The following ZNF423 variants were observed in gnomAD, a reference collection of about 807,000 sequenced individuals.
ZNF423 encodes the protein zinc finger protein 423.
Under a neutral mutation model 95.8 loss-of-function variants are expected in ZNF423, and 12 were observed. That is an observed-to-expected ratio of 0.13 (90% CI 0.08 to 0.20). ZNF423 has a LOEUF of 0.20. Among genes scored for constraint, ZNF423 ranks in the 10% least tolerant of loss-of-function variants. ZNF423 has a pLI of 1.00. For missense variants in ZNF423, 1,316 were observed against 1,737.1 expected (o/e 0.76, Z 4.31); for synonymous variants, 749 against 711.9 (o/e 1.05, Z -0.83).
chr16:49,707,180 G>A (rs911799362), intron 3 of ZNF423, among the ~76,000 whole-genome samples: 4 of 152,148 alleles, frequency 2.6e-5, no homozygotes, highest in Admixed American at 6.5e-5. Flanking sequence ...GTACCCCGAC[G>A]CCCTGTGTCA....
At chr16:49,588,199 A>G (rs2151812483) in intron 5 of ZNF423, among the ~76,000 whole-genome samples, 1 of 152,338 alleles carries the variant, frequency 6.6e-6, no homozygotes, top group South Asian at 2.1e-4. Flanking sequence ...CTGCTGCAGT[A>G]GGCTGCCTCA....
chr16:49,495,767 C>T (rs919752487), intron 7 of ZNF423, among the ~76,000 whole-genome samples: 16 of 152,172 alleles, frequency 1.1e-4, no homozygotes, highest in African/African-American at 3.9e-4. Flanking sequence ...CAGGAGGGGG[C>T]CCTGGCTCAG....
At position 49,522,546 on chromosome 16, in the gene ZNF423, A is replaced by G. The variant is rs554146944; in HGVS notation, c.3849+1078T>C. The stretch of plus-strand genomic sequence containing the variant: ...CACAGAGACCGAGAGGAGGTTTGTT[A>G]TTGCAGCCTAACCTACCCATATCCT... On this transcript the variant is annotated intron_variant, in intron 7 of 7. Transcript: ENST00000563137. Among the ~76,000 whole-genome samples the G allele has an allele frequency of 3.3e-5, 5 of 152,174 alleles. No individual in the cohort carries two copies. The South Asian group carries it at 1.0e-3, about 32-fold the overall frequency.
rs937919508 is a variant in ZNF423, at chr16:49,542,956, G to T, written c.3602-17462C>A. Among the ~76,000 whole-genome samples the T allele has an allele frequency of 3.9e-5, 6 of 152,252 alleles. No individual in the cohort carries two copies. In the South Asian group the frequency reaches 1.2e-3, roughly 32 times the overall value. ...AACCCCTCAAGTCCCCTAGTGGAGT[G>T]GAAATGTTCTTCATCTGAGGCTGGG... On this transcript the variant is annotated intron_variant, in intron 5 of 7. Coordinates refer to ENST00000563137, the MANE Select transcript of ZNF423 (RefSeq NM_001379286.1).
intron 3 of ZNF423, among the ~76,000 whole-genome samples, chr16:49,701,181 G>A: frequency 6.6e-6 from 1 of 152,228 alleles, no homozygotes; most frequent in East Asian, 1.9e-4. Context: ...CAGAACCAAA[G>A]GTGAGTGTGC....
At chr16:49,810,019 C>T (rs938183153) in intron 1 of ZNF423, among the ~76,000 whole-genome samples, 2 of 152,076 alleles carry the variant, frequency 1.3e-5, no homozygotes, top group Non-Finnish European at 2.9e-5. Flanking sequence ...GGCCCCATTT[C>T]CTGCTGACAG....
chr16:49,680,589 A>C (rs563066297), intron 3 of ZNF423, among the ~76,000 whole-genome samples: 15 of 152,252 alleles, frequency 9.9e-5, no homozygotes, highest in Admixed American at 2.6e-4. Context: ...AAGCTTCCGG[A>C]CACCACTGCA....
At chr16:49,556,852 G>A (rs976391260) in intron 5 of ZNF423, among the ~76,000 whole-genome samples, 3 of 152,200 alleles carry the variant, frequency 2.0e-5, no homozygotes, top group Non-Finnish European at 2.9e-5. Context: ...CTTGAGAACA[G>A]CACACTTTAC....
At chr16:49,745,208 C>A (rs1407310906) in intron 2 of ZNF423, among the ~76,000 whole-genome samples, 1 of 152,170 alleles carries the variant, frequency 6.6e-6, no homozygotes, top group Non-Finnish European at 1.5e-5. Context: ...CTGGCTCTAA[C>A]CAATTTTACC....
At chr16:49,530,171 C>T (rs916909194) in intron 5 of ZNF423, among the ~76,000 whole-genome samples, 4 of 152,170 alleles carry the variant, frequency 2.6e-5, no homozygotes, top group Non-Finnish European at 4.4e-5. Context: ...AGAGTCATTA[C>T]GGGGCTTTTG....
At chr16:49,517,865 T>G in intron 7 of ZNF423, 1 of 433,502 alleles carries the variant, frequency 2.3e-6, no homozygotes, top group Admixed American at 2.7e-5. Flanking sequence ...AATCTCTTCA[T>G]TTTATTCCAT....
intron 5 of ZNF423, among the ~76,000 whole-genome samples, chr16:49,610,664 C>T (rs566529399): frequency 6.6e-5 from 10 of 152,158 alleles, no homozygotes; most frequent in Non-Finnish European, 1.2e-4. Context: ...CTGAAGCTCT[C>T]ACATATCATT....
At chr16:49,701,782 G>A (rs1019692027) in intron 3 of ZNF423, among the ~76,000 whole-genome samples, 6 of 152,100 alleles carry the variant, frequency 3.9e-5, no homozygotes, top group African/African-American at 1.4e-4. Flanking sequence ...CGTTCTAGAA[G>A]GCAGATTAAA....
intron 1 of ZNF423, among the ~76,000 whole-genome samples, chr16:49,849,441 C>A (rs1478261044): frequency 1.3e-5 from 2 of 152,176 alleles, no homozygotes; most frequent in Non-Finnish European, 2.9e-5. Flanking sequence ...CAGAGAACAA[C>A]CCACTTGATA....
intron 5 of ZNF423, among the ~76,000 whole-genome samples, chr16:49,623,331 C>T (rs1030425527): frequency 2.0e-5 from 3 of 152,204 alleles, no homozygotes; most frequent in Non-Finnish European, 4.4e-5. Context: ...CCAAATGCCC[C>T]TCACACCCTC....
intron 4 of ZNF423, among the ~76,000 whole-genome samples, chr16:49,629,116 C>A (rs139847938): frequency 8.5e-5 from 13 of 152,298 alleles, no homozygotes; most frequent in Non-Finnish European, 1.5e-4. Context: ...GGTAGCTTAA[C>A]CATCTCAGCT....
intron 1 of ZNF423, among the ~76,000 whole-genome samples, chr16:49,822,466 A>T (rs1309045772): frequency 2.0e-5 from 3 of 152,076 alleles, no homozygotes; most frequent in Non-Finnish European, 4.4e-5. Context: ...GAGCCACCAC[A>T]TCCGGCCCCC....
At chr16:49,589,247 C>T (rs1472111725) in intron 5 of ZNF423, among the ~76,000 whole-genome samples, 3 of 152,172 alleles carry the variant, frequency 2.0e-5, no homozygotes, top group Non-Finnish European at 4.4e-5. Context: ...TTTCCCACTG[C>T]CTACCCAACC....
intron 5 of ZNF423, among the ~76,000 whole-genome samples, chr16:49,538,111 ACAGCC>A (rs1418594669): frequency 5.9e-5 from 9 of 152,210 alleles, no homozygotes; most frequent in Admixed American, 1.3e-4. Context: ...ACAGCTCCTG[ACAGCC>A]CCCACCAGGA....
Sources: gnomAD v4.1 joint callset for allele counts (sites outside exome capture counted in the v4.1 genomes callset) on GRCh38, gnomAD v4.1.1 for gene constraint, MANE v1.5 for transcripts, NCBI Gene and HGNC (gene_info 2026-07-23, HGNC 2026-07-21) for gene names.